The following ABCB5 variants were observed in gnomAD, a reference collection of about 807,000 sequenced individuals.
ABCB5 encodes the protein ATP binding cassette subfamily B member 5.
A neutral mutation model predicts 144.2 loss-of-function variants in ABCB5; 155 were observed. The ratio of observed to expected loss-of-function variants is 1.08; its 90% CI spans 0.94 to 1.23. The LOEUF (loss-of-function observed/expected upper bound fraction) is 1.23. ABCB5 is among the 50% of genes most tolerant of loss of function. The probability of loss-of-function intolerance (pLI) is 0.00; values close to 1 mark genes in which losing one functional copy is unlikely to be tolerated. For missense variants in ABCB5, 1,830 were observed against 1,520.8 expected (o/e 1.20, Z -3.38); for synonymous variants, 610 against 528.6 (o/e 1.15, Z -2.11).
In ABCB5 at chr7:20,621,366, A is replaced by G. The variant is rs184688250; in HGVS notation, c.-21-1899A>G. ...AATCCCACTGAATTGTGTACTTCAG[A>G]TGGTAAAATGTTAAATTTTGTTATG... On this transcript the variant is annotated intron_variant, in intron 1 of 27. Transcript: ENST00000404938. 3.0e-3 allele frequency among the ~76,000 whole-genome samples: 462 copies of G among 152,232 alleles called. 12 individuals are homozygous for G. The highest frequency in any genetic ancestry group is 0.028 in the Admixed American group (425 of 15,286).
intron 5 of ABCB5, among the ~76,000 whole-genome samples, chr7:20,636,992 C>T (rs747528772): frequency 2.0e-4 from 31 of 152,090 alleles, no homozygotes; most frequent in African/African-American, 4.3e-4. Context: ...ATGACAAATA[C>T]GGATAGTAAA....
intron 15 of ABCB5, among the ~76,000 whole-genome samples, chr7:20,682,738 G>A (rs974728747): frequency 6.6e-6 from 1 of 152,184 alleles, no homozygotes; most frequent in Non-Finnish European, 1.5e-5. Context: ...GGATGCACAC[G>A]TAAAACCTTA....
intron 16 of ABCB5, among the ~76,000 whole-genome samples, chr7:20,690,242 C>A (rs1786170841): frequency 6.6e-6 from 1 of 152,128 alleles, no homozygotes; most frequent in South Asian, 2.1e-4. Flanking sequence ...CGAACGGATA[C>A]CACAGAAATT....
At chr7:20,704,075 C>T (rs1241898854) in intron 19 of ABCB5, among the ~76,000 whole-genome samples, 7 of 80,766 alleles carry the variant, frequency 8.7e-5, no homozygotes, top group Non-Finnish European at 1.1e-4. Context: ...TATTGCCTTC[C>T]TTTTTTTTTT....
rs369362597 is a variant in ABCB5 at position 20,705,751 on chromosome 7, T to C, written c.2421+944T>C. On this transcript the variant is annotated intron_variant, in intron 20 of 27. Coordinates refer to ENST00000404938, the MANE Select transcript of ABCB5 (RefSeq NM_001163941.2). ...TGTCAACTAAAGCAACCCATCAGAA[T>C]TGTATGTTTCTTTTAGAGATTATTT... 3.9e-5 allele frequency among the ~76,000 whole-genome samples: 6 copies of C among 152,232 alleles called. No homozygotes were observed. In the East Asian group the frequency reaches 7.7e-4, roughly 20 times the overall value.
At position 20,636,781 on chromosome 7, in the gene ABCB5, T is replaced by C. The variant is rs536331117; in HGVS notation, c.314+4668T>C. On this transcript the variant is annotated intron_variant, in intron 5 of 27. Coordinates refer to ENST00000404938, the MANE Select transcript of ABCB5 (RefSeq NM_001163941.2). ...GCCTCGGCAACAGAGCAAGACTCCA[T>C]CAAAAAAAAAAAAAAAAAAAAAGGA... is the stretch of plus-strand genomic sequence containing the variant. Among the ~76,000 whole-genome samples, 19 of 44,146 alleles carry C rather than the reference T, an allele frequency of 4.3e-4. No homozygotes were observed. In the South Asian group the frequency reaches 0.01, roughly 24 times the overall value. 29.0% of individuals were successfully genotyped at this position (44,146 alleles called of 152,430 possible).
At chr7:20,704,106 C>T (rs1471404305) in intron 19 of ABCB5, among the ~76,000 whole-genome samples, 1 of 21,438 alleles carries the variant, frequency 4.7e-5, no homozygotes, top group Non-Finnish European at 8.3e-5. Context: ...GACAGGGTCT[C>T]ACTCTGGCAT....
At chr7:20,661,524 T>G (rs1403964603) in intron 14 of ABCB5, among the ~76,000 whole-genome samples, 4 of 144,304 alleles carry the variant, frequency 2.8e-5, no homozygotes, top group African/African-American at 1.1e-4. Flanking sequence ...TTTTTTGCTT[T>G]CTTTCTTTTC....
intron 14 of ABCB5, among the ~76,000 whole-genome samples, chr7:20,668,773 C>T (rs1221167963): frequency 2.0e-4 from 26 of 132,458 alleles, no homozygotes; most frequent in African/African-American, 3.9e-4. Context: ...AGGTGAGGGG[C>T]GCCTCTGCCC....
At chr7:20,740,184 G>A (rs578193181) in intron 24 of ABCB5, among the ~76,000 whole-genome samples, 1 of 152,314 alleles carries the variant, frequency 6.6e-6, no homozygotes, top group South Asian at 2.1e-4. Flanking sequence ...AGGTTGCAGT[G>A]AGCCGAGATC....
chr7:20,754,995 G>C (rs933535915), intron 27 of ABCB5, among the ~76,000 whole-genome samples: 1 of 151,526 alleles, frequency 6.6e-6, no homozygotes, highest in African/African-American at 2.4e-5. Context: ...TGTCACTTAG[G>C]CTGGAGTGCA....
intron 13 of ABCB5, among the ~76,000 whole-genome samples, chr7:20,656,643 C>T (rs1784800555): frequency 6.6e-6 from 1 of 151,992 alleles, no homozygotes; most frequent in Non-Finnish European, 1.5e-5. Flanking sequence ...AATTAGATCT[C>T]TCATTCATTC....
intron 16 of ABCB5, among the ~76,000 whole-genome samples, chr7:20,688,824 A>G (rs1219980817): frequency 6.6e-6 from 1 of 152,194 alleles, no homozygotes; most frequent in Non-Finnish European, 1.5e-5. Flanking sequence ...TTGTAGGGGC[A>G]TGGATGAAGC....
chr7:20,660,399 T>G lies in ABCB5; in HGVS notation c.1707+1723T>G. 5 of 985,556 alleles carry G rather than the reference T, an allele frequency of 5.1e-6. No homozygotes were observed. The South Asian group carries it at 2.3e-4, about 46-fold the overall frequency. The allele number at this position is 985,556 out of a possible 1,614,324, so 61.1% of individuals were successfully genotyped here. On this transcript the variant is annotated intron_variant, in intron 14 of 27. Coordinates refer to ENST00000404938, the MANE Select transcript of ABCB5 (RefSeq NM_001163941.2). The stretch of plus-strand genomic sequence containing the variant: ...GATTAAATCAATGTAGAAATAGGTG[T>G]GAAACTGCTTTATGTATGGTTTGCT...
chr7:20,745,489 G>A, intron 26 of ABCB5, 51 bp downstream of exon 26: 1 of 1,540,100 alleles, frequency 6.5e-7, no homozygotes, highest in Non-Finnish European at 9.0e-7. Flanking sequence ...GTAAGGCTAA[G>A]TAGCTACTGG....
intron 1 of ABCB5, among the ~76,000 whole-genome samples, chr7:20,619,700 A>C (rs936603383): frequency 6.6e-6 from 1 of 151,972 alleles, no homozygotes; most frequent in Non-Finnish European, 1.5e-5. Flanking sequence ...CCATCTGCCA[A>C]TTTTTGCTTC....
At position 20,732,455 on chromosome 7, in the gene ABCB5, C is replaced by T. The variant is rs76364570; in HGVS notation, c.2867+4000C>T. Among the ~76,000 whole-genome samples, 1,332 of 152,272 alleles carry T rather than the reference C, an allele frequency of 8.7e-3. 17 individuals carry two copies. The highest frequency in any genetic ancestry group is 0.03 in the African/African-American group (1,265 of 41,536). On this transcript the variant is annotated intron_variant, in intron 23 of 27. Transcript: ENST00000404938. ...AGCACAAGTTGTAACCTATCTTGTT[C>T]ACTGATGTTTCCCAAAAGCCAAAAA... is the stretch of plus-strand genomic sequence containing the variant.
At chr7:20,731,355 GAAAA>G (rs869149519) in intron 23 of ABCB5, among the ~76,000 whole-genome samples, 1 of 127,856 alleles carries the variant, frequency 7.8e-6, no homozygotes, top group African/African-American at 3.0e-5. Context: ...TCCAACTCAG[GAAAA>G]AAAAAAAAAA....
At chr7:20,633,404 G>A (rs1784082108) in intron 5 of ABCB5, among the ~76,000 whole-genome samples, 1 of 151,912 alleles carries the variant, frequency 6.6e-6, no homozygotes, top group African/African-American at 2.4e-5. Context: ...CCAAAATGAA[G>A]ACACCATCTT....
Sources: gnomAD v4.1 joint callset for allele counts (sites outside exome capture counted in the v4.1 genomes callset) on GRCh38, gnomAD v4.1.1 for gene constraint, MANE v1.5 for transcripts, NCBI Gene and HGNC (gene_info 2026-07-23, HGNC 2026-07-21) for gene names.